ANKRD30A: variants seen among roughly 807,000 people sequenced by gnomAD.
ANKRD30A encodes ankyrin repeat domain-containing protein 30A.
A neutral mutation model predicts 166.3 loss-of-function variants in ANKRD30A; 170 were observed. That is an observed-to-expected ratio of 1.02 (90% confidence interval 0.90 to 1.16). The LOEUF is 1.16. Ranked by LOEUF, ANKRD30A falls within the 50% of genes most tolerant of loss-of-function variation. The probability of loss-of-function intolerance (pLI) is 0.00; values close to 1 mark genes in which losing one functional copy is unlikely to be tolerated. For synonymous variants in ANKRD30A, 564 were observed against 508.9 expected, an observed-to-expected ratio of 1.11 and a Z score of -1.46; for missense variants, 1,630 against 1,518.0, an observed-to-expected ratio of 1.07 and a Z score of -1.23.
At chr10:37,162,560 G>A (rs1839002697) in intron 15 of ANKRD30A, 89 bp from the exon 16 acceptor site, 12 of 1,526,980 alleles carry the variant, frequency 7.9e-6, no homozygotes, top group Non-Finnish European at 1.1e-5. Flanking sequence ...TGGAGCAAGA[G>A]GAGTCAGTTA....
In ANKRD30A at chr10:37,141,990, G is replaced by A. The variant is rs1837169241; in HGVS notation, c.1093G>A (p.Ala365Thr). 4 of 1,614,002 alleles carry A rather than the reference G, an allele frequency of 2.5e-6. No homozygotes were observed. Among genetic ancestry groups the A allele is most frequent in the Admixed American group, 1.7e-5 (1 of 59,988 alleles). The change falls in exon 7 of 36, where the codon GCA (alanine) becomes ACA (threonine). Residue 365 changes from alanine to threonine, a missense_variant. Coordinates refer to ENST00000361713, the MANE Select transcript of ANKRD30A (RefSeq NM_052997.3). ...AACACCTAGGGAAATTACGAGTCCT[G>A]CAAAAGAAACATCTGAGAAATTTAC... The part of the protein sequence containing the change: ...EETPREITSP[A>T]KETSEKFTWP...
rs1295500250 is a variant in ANKRD30A, at chr10:37,158,347, G to A, written c.1799-45G>A. The A allele has an allele frequency of 3.1e-6, 5 of 1,589,674 alleles. No individual in the cohort carries two copies. In the African/African-American group the frequency reaches 4.1e-5, roughly 13 times the overall value. ...ACTGTGTGAATGTTCGGTAGGCTTT[G>A]TCAGGCTTGCATATAATCAATTATG... On this transcript the variant is annotated intron_variant, in intron 13 of 35. Transcript: ENST00000361713.
At position 37,166,033 on chromosome 10, in the gene ANKRD30A, C is replaced by A. The variant is rs115410779; in HGVS notation, c.2065-572C>A. Among the ~76,000 whole-genome samples the A allele has an allele frequency of 2.8e-4, 42 of 152,158 alleles. 1 individual carries two copies. The highest frequency in any genetic ancestry group is 4.6e-4 in the Admixed American group (7 of 15,294). ...TACATTCTATTCAAGCACTTTTTCT[C>A]TCACCAAAAATTTTGTCAGAAACAT... On this transcript the variant is annotated intron_variant, in intron 18 of 35. Transcript: ENST00000361713.
In ANKRD30A at chr10:37,219,825, G is replaced by A. The variant is rs769408177; in HGVS notation, c.4113G>A (p.Glu1371=). Reference sequence around the variant, plus strand: ...ATCATCTCCTAAAAGAGAAAAATGAGGAGATATTTAATTACAATAACCATT... The same window carrying A: ...ATCATCTCCTAAAAGAGAAAAATGAAGAGATATTTAATTACAATAACCATT... ...MQHHLLKEKN[E]EIFNYNNHLK... is the part of the protein sequence containing the mutation. Residue 1371 remains glutamate (E), a synonymous_variant, in exon 34 of 36, where the codon GAG becomes GAA. Transcript: ENST00000361713. The A allele has an allele frequency of 6.3e-7, 1 of 1,596,440 alleles. No individual in the cohort carries two copies. The highest frequency in any genetic ancestry group is 1.1e-5 in the South Asian group (1 of 88,878).
chr10:37,125,650 G>GT lies in ANKRD30A; in HGVS notation c.-138_-137insT. On this transcript the variant is annotated 5_prime_UTR_variant, in exon 1 of 36. Coordinates refer to ENST00000361713, the MANE Select transcript of ANKRD30A (RefSeq NM_052997.3). ...AGAGGCCTGAGTGTGCAAGAGCTTG[G>GT]CGAACACAGAACTTTTTACGGGTAT... is the stretch of plus-strand genomic sequence containing the variant. The GT allele has an allele frequency of 1.8e-5, 7 of 390,624 alleles. No individual in the cohort carries two copies. Among genetic ancestry groups the GT allele is most frequent in the East Asian group, 9.8e-5 (2 of 20,324 alleles). 24.2% of individuals were successfully genotyped at this position (390,624 alleles called of 1,614,324 possible). A position where few individuals can be genotyped will look rare whatever the true frequency, so the allele number is the denominator to read the frequency against.
At chr10:37,155,631 C>G (rs1838310679) in intron 13 of ANKRD30A, among the ~76,000 whole-genome samples, 1 of 152,126 alleles carries the variant, frequency 6.6e-6, no homozygotes, top group African/African-American at 2.4e-5. Context: ...TGATTTGCTC[C>G]TGTGATTCCA....
intron 24 of ANKRD30A, among the ~76,000 whole-genome samples, chr10:37,183,253 G>T (rs1403313751): frequency 6.8e-6 from 1 of 147,934 alleles, no homozygotes; most frequent in East Asian, 2.0e-4. Context: ...TTATGACATT[G>T]TGACATGTCA....
At position 37,142,180 on chromosome 10, in the gene ANKRD30A, C is replaced by A; in HGVS notation, c.1283C>A (p.Thr428Asn). 6.2e-7 allele frequency: 1 copy of A among 1,613,964 alleles called. No individual in the cohort carries two copies. The highest frequency in any genetic ancestry group is 8.5e-7 in the Non-Finnish European group (1 of 1,179,998). The change falls in exon 7 of 36, where the codon ACT becomes AAT. Residue 428 changes from threonine to asparagine, a missense_variant. Transcript: ENST00000361713. ...GAGAAAAAAGAAACACCTGTAAAGA[C>A]TGGATGCGTGGCAAGAGTAACATCT... Reference protein sequence around the residue: ...AWEKKETPVKTGCVARVTSNK... With the variant: ...AWEKKETPVKNGCVARVTSNK...
intron 31 of ANKRD30A, among the ~76,000 whole-genome samples, chr10:37,213,501 A>T (rs556249295): frequency 2.0e-4 from 30 of 150,618 alleles, no homozygotes; most frequent in Non-Finnish European, 3.6e-4. Flanking sequence ...ACCAGTACAG[A>T]TATTCATCAT....
Position 37,219,250 on chromosome 10 carries a change from T to A in ANKRD30A, c.3538T>A (p.Ser1180Thr), listed in dbSNP as rs1159519305. Residue 1180 changes from serine (S) to threonine (T), a missense_variant, in exon 34 of 36, where the codon TCT (serine) becomes ACT (threonine). Ser to Thr is a moderately conservative substitution (Grantham distance 58). Coordinates refer to ENST00000361713, the MANE Select transcript of ANKRD30A (RefSeq NM_052997.3). ...VLIAENTMLT[S>T]KLKEKQDKEI... ...GATAGCTGAGAACACAATGCTCACT[T>A]CTAAATTGAAGGAAAAACAAGACAA... is the stretch of plus-strand genomic sequence containing the variant. 3.1e-6 allele frequency: 5 copies of A among 1,610,524 alleles called. No homozygotes were observed. In the South Asian group the frequency reaches 5.5e-5, roughly 18 times the overall value.
At chr10:37,136,784 T>C in intron 6 of ANKRD30A, 113 bp downstream of exon 6, 1 of 484,894 alleles carries the variant, frequency 2.1e-6, no homozygotes, top group Non-Finnish European at 3.7e-6. Context: ...TGTTTACATA[T>C]ATACATATAT....
the ANKRD30A span, among the ~76,000 whole-genome samples, chr10:37,263,385 T>C: frequency 6.6e-6 from 1 of 151,952 alleles, no homozygotes; most frequent in Non-Finnish European, 1.5e-5. Flanking sequence ...ACGTTTATTA[T>C]GCACTTTATT....
chr10:37,254,435 G>T, the ANKRD30A span, among the ~76,000 whole-genome samples: 1 of 152,058 alleles, frequency 6.6e-6, no homozygotes, highest in Non-Finnish European at 1.5e-5. Flanking sequence ...ATGTCTCCTT[G>T]TGGTTTTGAT....
intron 19 of ANKRD30A, among the ~76,000 whole-genome samples, chr10:37,167,256 C>T (rs1299413476): frequency 6.9e-6 from 1 of 144,178 alleles, no homozygotes; most frequent in Non-Finnish European, 1.5e-5. Flanking sequence ...CTCAGTGACT[C>T]ATTAATTTTC....
intron 19 of ANKRD30A, among the ~76,000 whole-genome samples, chr10:37,167,711 T>C (rs1839471482): frequency 1.3e-5 from 2 of 151,802 alleles, no homozygotes; most frequent in East Asian, 3.9e-4. Flanking sequence ...ACAAAAATGT[T>C]GGCATACTAT....
At chr10:37,224,094 T>C (rs1455323366) in intron 34 of ANKRD30A, among the ~76,000 whole-genome samples, 1 of 151,332 alleles carries the variant, frequency 6.6e-6, no homozygotes, top group East Asian at 1.9e-4. Context: ...GAAACTTTTT[T>C]TGAATACCTA....
intron 31 of ANKRD30A, among the ~76,000 whole-genome samples, chr10:37,202,251 A>G (rs937986390): frequency 1.3e-5 from 2 of 152,194 alleles, no homozygotes; most frequent in African/African-American, 4.8e-5. Flanking sequence ...AGCAGTCCTC[A>G]GCAAATGTAA....
At chr10:37,146,391 T>A (rs1837514898) in intron 8 of ANKRD30A, among the ~76,000 whole-genome samples, 1 of 152,232 alleles carries the variant, frequency 6.6e-6, no homozygotes, top group South Asian at 2.1e-4. Flanking sequence ...GCATCATTTT[T>A]AACACTAAAT....
At position 37,141,217 on chromosome 10, in the gene ANKRD30A, G is replaced by A. The variant is rs549724917; in HGVS notation, c.821-501G>A. On this transcript the variant is annotated intron_variant, in intron 6 of 35. Transcript: ENST00000361713. Reference sequence around the variant, plus strand: ...TAATTATTACTTATTATGTCATGTCGTTACTGTATTCAGCATGTGTCAGAC... The same window carrying A: ...TAATTATTACTTATTATGTCATGTCATTACTGTATTCAGCATGTGTCAGAC... 2.9e-4 allele frequency among the ~76,000 whole-genome samples: 44 copies of A among 151,992 alleles called. 1 individual carries two copies. Among genetic ancestry groups the A allele is most frequent in the South Asian group, 8.3e-4 (4 of 4,822 alleles).
Sources: allele counts gnomAD v4.1 joint callset (sites outside exome capture counted in the v4.1 genomes callset), GRCh38; gene constraint gnomAD v4.1.1; transcripts MANE v1.5; gene names NCBI Gene and HGNC (gene_info 2026-07-23, HGNC 2026-07-21).